Variants in NLGN4X observed in about 807,000 individuals in gnomAD.
NLGN4X encodes neuroligin-4, X-linked.
Under a neutral mutation model 40.3 loss-of-function variants are expected in NLGN4X, and 3 were observed. The observed-to-expected ratio is 0.07, with a 90% CI of 0.03 to 0.19. NLGN4X has a LOEUF of 0.19. Among genes scored for constraint, NLGN4X ranks in the 10% least tolerant of loss-of-function variants. The probability of loss-of-function intolerance (pLI) is 1.00; values close to 1 mark genes in which losing one functional copy is unlikely to be tolerated. For synonymous variants in NLGN4X, 270 were observed against 306.8 expected (o/e 0.88, Z 1.25); for missense variants, 382 against 708.3 (o/e 0.54, Z 5.23).
intron 3 of NLGN4X, among the ~76,000 whole-genome samples, chrX:5,917,559 C>G (rs368187294): frequency 2.2e-3 from 241 of 112,024 alleles, no homozygotes; most frequent in African/African-American, 7.5e-3. Flanking sequence ...GTCCCACTTT[C>G]TTTATATGTG....
At chrX:6,200,680 T>C (rs1923503934) in intron 1 of NLGN4X, among the ~76,000 whole-genome samples, 1 of 86,128 alleles carries the variant, frequency 1.2e-5, no homozygotes, top group Non-Finnish European at 2.2e-5. Flanking sequence ...TTTATTCCTT[T>C]CCTTTTCTTT....
At chrX:6,023,827 C>T (rs2036613527) in intron 3 of NLGN4X, among the ~76,000 whole-genome samples, 1 of 111,961 alleles carries the variant, frequency 8.9e-6, no homozygotes, top group African/African-American at 3.2e-5. Flanking sequence ...AACGGAAATA[C>T]ATATTTAAAT....
At chrX:5,988,400 A>G (rs1339307277) in intron 3 of NLGN4X, among the ~76,000 whole-genome samples, 3 of 112,491 alleles carry the variant, frequency 2.7e-5, no homozygotes, top group Non-Finnish European at 5.6e-5. Context: ...ATCTAGCCAC[A>G]TGAAATATTC....
At chrX:6,200,696 T>TTTCTTTTTTTTTTC (rs1335418319) in intron 1 of NLGN4X, among the ~76,000 whole-genome samples, 7 of 90,774 alleles carry the variant, frequency 7.7e-5, no homozygotes, top group Admixed American at 5.0e-4. Flanking sequence ...TCTTTTTTTT[T>TTTCTTTTTTTTTTC]TTTTTTTTTT....
In NLGN4X at chrX:6,039,148, T is replaced by C. The variant is rs141082820; in HGVS notation, c.473-9716A>G. Among the ~76,000 whole-genome samples, 898 of 111,277 alleles carry C rather than the reference T, an allele frequency of 8.1e-3. 8 individuals carry two copies. Among genetic ancestry groups the C allele is most frequent in the African/African-American group, 0.028 (869 of 30,618 alleles). On this transcript the variant is annotated intron_variant, in intron 2 of 5. Transcript: ENST00000381095. ...AATCTTGAGTGGCTTTAAGATTGCA[T>C]TTTTTCAAAAGAAAAAATATAATGA...
intron 2 of NLGN4X, among the ~76,000 whole-genome samples, chrX:6,130,747 T>C (rs954481718): frequency 8.0e-5 from 9 of 112,537 alleles, no homozygotes; most frequent in African/African-American, 2.9e-4. Context: ...TAGGCCTTAT[T>C]CTTTGGCTCT....
intron 3 of NLGN4X, among the ~76,000 whole-genome samples, chrX:6,025,176 T>C (rs1321876582): frequency 1.8e-5 from 2 of 111,789 alleles, no homozygotes; most frequent in Non-Finnish European, 3.8e-5. Flanking sequence ...ATAATTACTT[T>C]ATAGCTATAA....
intron 3 of NLGN4X, among the ~76,000 whole-genome samples, chrX:5,956,003 TA>T (rs1251550584): frequency 9.1e-6 from 1 of 109,887 alleles, no homozygotes; most frequent in African/African-American, 3.3e-5. Flanking sequence ...ATGTGTCTTC[TA>T]AATATTCCAC....
At chrX:5,959,155 C>T (rs1454441384) in intron 3 of NLGN4X, among the ~76,000 whole-genome samples, 1 of 111,846 alleles carries the variant, frequency 8.9e-6, no homozygotes, top group Admixed American at 9.5e-5. Context: ...TATCATGTAG[C>T]TCTTTGCCTC....
chrX:5,944,806 G>C (rs771691018), intron 3 of NLGN4X, among the ~76,000 whole-genome samples: 1 of 111,451 alleles, frequency 9.0e-6, no homozygotes, highest in African/African-American at 3.3e-5. Context: ...ATAGCAAATA[G>C]CATGGAAAGA....
chrX:5,899,383 A>C (rs16983892), intron 5 of NLGN4X, among the ~76,000 whole-genome samples: 28,219 of 110,659 alleles, frequency 0.26, 2,884 homozygotes, highest in African/African-American at 0.38. Context: ...TTCCTTCCTC[A>C]TCTCTTCCAG....
At chrX:6,155,888 A>T (rs1376288489) in intron 1 of NLGN4X, among the ~76,000 whole-genome samples, 1 of 112,227 alleles carries the variant, frequency 8.9e-6, no homozygotes, top group African/African-American at 3.2e-5. Context: ...AAAACATCAA[A>T]AAACAACAGA....
At chrX:6,090,866 A>C (rs1008274343) in intron 2 of NLGN4X, among the ~76,000 whole-genome samples, 2 of 112,166 alleles carry the variant, frequency 1.8e-5, no homozygotes, top group African/African-American at 3.2e-5. Flanking sequence ...AACCTCCTAC[A>C]ATGCATAGGA....
intron 3 of NLGN4X, among the ~76,000 whole-genome samples, chrX:6,024,577 G>GT (rs1286174352): frequency 9.1e-6 from 1 of 110,285 alleles, no homozygotes; most frequent in Non-Finnish European, 1.9e-5. Flanking sequence ...AAAGGATGCA[G>GT]TAAAAAAAAA....
intron 3 of NLGN4X, among the ~76,000 whole-genome samples, chrX:5,929,579 T>C (rs2033471082): frequency 8.9e-6 from 1 of 112,509 alleles, no homozygotes; most frequent in Admixed American, 9.3e-5. Context: ...CATGCACACA[T>C]GTGTGCACAC....
At chrX:6,176,407 C>T (rs1005541036) in intron 1 of NLGN4X, among the ~76,000 whole-genome samples, 3 of 111,887 alleles carry the variant, frequency 2.7e-5, no homozygotes, top group Non-Finnish European at 5.6e-5. Flanking sequence ...GAATAACGGA[C>T]CCCCCGGGAT....
At chrX:6,002,580 G>A (rs2035998354) in intron 3 of NLGN4X, among the ~76,000 whole-genome samples, 2 of 112,246 alleles carry the variant, frequency 1.8e-5, no homozygotes, top group African/African-American at 3.2e-5. Context: ...CGTGCCTCTT[G>A]CATACCTAAA....
chrX:6,222,029 A>C (rs183354548), intron 1 of NLGN4X, among the ~76,000 whole-genome samples: 5 of 111,884 alleles, frequency 4.5e-5, no homozygotes, highest in African/African-American at 1.6e-4. Flanking sequence ...TAGTAACCTC[A>C]GTCCTTTCTT....
rs1029419777 is a variant in NLGN4X at position 5,982,364 on chromosome X, T to C, written c.625+46916A>G. Among the ~76,000 whole-genome samples the C allele has an allele frequency of 5.3e-5, 6 of 112,313 alleles. No homozygotes were observed. The South Asian group carries it at 1.1e-3, about 21-fold the overall frequency. The stretch of plus-strand genomic sequence containing the variant: ...TTAGGAATGAGATTGCTGATTTAAT[T>C]TATTTTAATGCCTGTGAAATAAAGT... On this transcript the variant is annotated intron_variant, in intron 3 of 5. Coordinates refer to ENST00000381095, the MANE Select transcript of NLGN4X (RefSeq NM_181332.3).
Sources: allele counts gnomAD v4.1 joint callset (sites outside exome capture counted in the v4.1 genomes callset), GRCh38; gene constraint gnomAD v4.1.1; transcripts MANE v1.5; gene names NCBI Gene and HGNC (gene_info 2026-07-23, HGNC 2026-07-21).